RAB38: variants seen among roughly 807,000 people sequenced by gnomAD.
RAB38 encodes the protein ras-related protein Rab-38.
Under a neutral mutation model 18.4 loss-of-function variants are expected in RAB38, and 15 were observed. The observed-to-expected ratio is 0.82, with a 90% CI of 0.55 to 1.26. The LOEUF is 1.26. RAB38 is among the 50% of genes most tolerant of loss of function. The pLI is 0.00. For synonymous variants in RAB38, 101 were observed against 104.4 expected (o/e 0.97, Z 0.20); for missense variants, 294 against 267.4 (o/e 1.10, Z -0.69).
the RAB38 span, among the ~76,000 whole-genome samples, chr11:87,930,325 G>C: frequency 6.6e-6 from 1 of 152,190 alleles, no homozygotes. Context: ...GTGATGATGA[G>C]TATTTTTTCA....
the RAB38 span, among the ~76,000 whole-genome samples, chr11:88,074,022 G>T: frequency 6.8e-6 from 1 of 147,534 alleles, no homozygotes; most frequent in Non-Finnish European, 1.5e-5. Flanking sequence ...AATGAAGATC[G>T]CCTACAATAT....
At chr11:87,853,847 A>G in the RAB38 span, among the ~76,000 whole-genome samples, 2 of 152,198 alleles carry the variant, frequency 1.3e-5, no homozygotes, top group Admixed American at 6.6e-5. Context: ...TCACCAGCTC[A>G]TAATCAAGGT....
chr11:87,869,087 A>C, the RAB38 span, among the ~76,000 whole-genome samples: 2 of 151,780 alleles, frequency 1.3e-5, no homozygotes, highest in African/African-American at 4.8e-5. Flanking sequence ...CTGGTATCAG[A>C]ATCTAGGGAG....
the RAB38 span, among the ~76,000 whole-genome samples, chr11:88,046,599 T>C: frequency 6.6e-6 from 1 of 152,154 alleles, no homozygotes; most frequent in Non-Finnish European, 1.5e-5. Flanking sequence ...AATTTCTTCC[T>C]CATCTGTTAC....
the RAB38 span, among the ~76,000 whole-genome samples, chr11:88,069,062 GC>G: frequency 6.6e-6 from 1 of 152,196 alleles, no homozygotes; most frequent in Non-Finnish European, 1.5e-5. Context: ...AGAGATGCAG[GC>G]AGGAACCGGG....
chr11:87,976,682 T>C, the RAB38 span, among the ~76,000 whole-genome samples: 4 of 108,890 alleles, frequency 3.7e-5, no homozygotes, highest in African/African-American at 1.5e-4. Context: ...GATATATATT[T>C]ATATATTTAC....
At chr11:88,008,081 A>G in the RAB38 span, among the ~76,000 whole-genome samples, 5 of 152,268 alleles carry the variant, frequency 3.3e-5, no homozygotes, top group South Asian at 6.2e-4. Flanking sequence ...AGGAAGAATG[A>G]CTGGCAGTGG....
At chr11:88,159,875 C>G (rs1049150056) in intron 1 of RAB38, among the ~76,000 whole-genome samples, 1 of 151,940 alleles carries the variant, frequency 6.6e-6, no homozygotes, top group Non-Finnish European at 1.5e-5. Context: ...CTAGAAGAAA[C>G]CTAGAAGAAA....
At chr11:88,036,451 G>C in the RAB38 span, among the ~76,000 whole-genome samples, 3 of 152,148 alleles carry the variant, frequency 2.0e-5, no homozygotes, top group South Asian at 6.2e-4. Flanking sequence ...ATTTGTCCTT[G>C]CCTTTTCCTA....
the RAB38 span, among the ~76,000 whole-genome samples, chr11:88,040,846 C>T: frequency 2.6e-5 from 4 of 152,196 alleles, no homozygotes; most frequent in African/African-American, 4.8e-5. Context: ...TAACACTTGC[C>T]ATGTTGCACG....
the RAB38 span, among the ~76,000 whole-genome samples, chr11:87,806,371 C>A: frequency 6.6e-6 from 1 of 152,116 alleles, no homozygotes; most frequent in African/African-American, 2.4e-5. Context: ...CACCTTCTTA[C>A]CACATCCTCA....
chr11:88,022,707 G>A, the RAB38 span, among the ~76,000 whole-genome samples: 7 of 147,410 alleles, frequency 4.7e-5, no homozygotes, highest in African/African-American at 1.8e-4. Context: ...TCATCTCCCT[G>A]CAAAGAACAT....
At chr11:87,883,088 A>G in the RAB38 span, among the ~76,000 whole-genome samples, 1 of 151,832 alleles carries the variant, frequency 6.6e-6, no homozygotes, top group Non-Finnish European at 1.5e-5. Context: ...AAGTATAGAA[A>G]TACTCTTTGT....
At chr11:87,818,093 G>T in the RAB38 span, among the ~76,000 whole-genome samples, 3 of 152,128 alleles carry the variant, frequency 2.0e-5, no homozygotes, top group Non-Finnish European at 4.4e-5. Flanking sequence ...TCACCTGAAG[G>T]TCTTGTTAAA....
At chr11:87,933,208 T>C in the RAB38 span, among the ~76,000 whole-genome samples, 4 of 152,096 alleles carry the variant, frequency 2.6e-5, no homozygotes, top group African/African-American at 9.6e-5. Flanking sequence ...AGTACTCAGG[T>C]AGAGATGCTA....
At chr11:87,823,251 A>T in the RAB38 span, among the ~76,000 whole-genome samples, 1 of 152,204 alleles carries the variant, frequency 6.6e-6, no homozygotes, top group Non-Finnish European at 1.5e-5. Flanking sequence ...AACATTGGTC[A>T]ATTAAATTTT....
the RAB38 span, among the ~76,000 whole-genome samples, chr11:87,840,607 C>T: frequency 3.3e-5 from 5 of 152,034 alleles, no homozygotes; most frequent in Non-Finnish European, 7.4e-5. Context: ...ATACTTTAAC[C>T]CAGTGATATA....
At chr11:88,041,421 T>A in the RAB38 span, among the ~76,000 whole-genome samples, 1 of 152,228 alleles carries the variant, frequency 6.6e-6, no homozygotes, top group African/African-American at 2.4e-5. Context: ...ATAACACTTC[T>A]GTCACAATAC....
intron 1 of RAB38, among the ~76,000 whole-genome samples, chr11:88,168,515 A>G (rs1943270403): frequency 6.6e-6 from 1 of 152,152 alleles, no homozygotes; most frequent in Admixed American, 6.5e-5. Flanking sequence ...ATTTTGAAAT[A>G]AATATCTTTA....
Sources: gnomAD v4.1 joint callset for allele counts (sites outside exome capture counted in the v4.1 genomes callset) on GRCh38, gnomAD v4.1.1 for gene constraint, MANE v1.5 for transcripts, NCBI Gene and HGNC (gene_info 2026-07-23, HGNC 2026-07-21) for gene names.